The following EPHA5 variants were observed in gnomAD, a reference collection of about 807,000 sequenced individuals.
The protein encoded by EPHA5 is ephrin type-A receptor 5.
Under a neutral mutation model 105.0 loss-of-function variants are expected in EPHA5, and 60 were observed. That is an observed-to-expected ratio of 0.57 (90% CI 0.46 to 0.71). EPHA5 has a LOEUF of 0.71. Among genes scored for constraint, EPHA5 ranks in the 30% least tolerant of loss-of-function variants. The pLI is 0.00. For missense variants in EPHA5, 1,218 were observed against 1,274.7 expected (o/e 0.96, Z 0.68); for synonymous variants, 513 against 449.1 (o/e 1.14, Z -1.80).
At chr4:65,514,925 C>A (rs895766806) in intron 3 of EPHA5, among the ~76,000 whole-genome samples, 4 of 152,144 alleles carry the variant, frequency 2.6e-5, no homozygotes, top group African/African-American at 9.7e-5. Context: ...TTTCCTACCT[C>A]AGCCAATATT....
At chr4:65,478,989 T>A (rs963867137) in intron 5 of EPHA5, among the ~76,000 whole-genome samples, 4 of 152,174 alleles carry the variant, frequency 2.6e-5, no homozygotes, top group Non-Finnish European at 5.9e-5. Context: ...TTTTTTGCTT[T>A]TAAATATTTA....
intron 3 of EPHA5, among the ~76,000 whole-genome samples, chr4:65,574,711 T>TATATATACATATATATATAC (rs1369011617): frequency 6.9e-5 from 6 of 87,418 alleles, no homozygotes; most frequent in South Asian, 3.7e-4. Flanking sequence ...TATATATACA[T>TATATATACATATATATATAC]ATATATATAC....
chr4:65,482,295 A>G (rs1039459147), intron 5 of EPHA5, among the ~76,000 whole-genome samples: 6 of 151,854 alleles, frequency 4.0e-5, no homozygotes, highest in African/African-American at 1.5e-4. Flanking sequence ...CAAGATAAAA[A>G]AAAAAAAAAA....
At chr4:65,343,571 C>T (rs1373249113) in intron 14 of EPHA5, among the ~76,000 whole-genome samples, 3 of 152,070 alleles carry the variant, frequency 2.0e-5, no homozygotes, top group Non-Finnish European at 4.4e-5. Context: ...ACTTTGTTTT[C>T]TGAGAATTTT....
chr4:65,598,006 C>T (rs1355310475), intron 3 of EPHA5, among the ~76,000 whole-genome samples: 1 of 152,082 alleles, frequency 6.6e-6, no homozygotes, highest in Non-Finnish European at 1.5e-5. Context: ...CAGTCACCTG[C>T]CAGCACAGAC....
rs185116537 is a variant in EPHA5, at chr4:65,668,304, A to G, written c.181+1258T>C. Reference sequence around the variant, plus strand: ...TCACGAGGACACACACGACTCCACCACTGCTGCTTCATCTTTCCGGTCTAG... The same window carrying G: ...TCACGAGGACACACACGACTCCACCGCTGCTGCTTCATCTTTCCGGTCTAG... On this transcript the variant is annotated intron_variant, in intron 1 of 16. Coordinates refer to ENST00000613740, the MANE Select transcript of EPHA5 (RefSeq NM_001281766.3). Among the ~76,000 whole-genome samples the G allele has an allele frequency of 3.2e-3, 494 of 152,184 alleles. 2 individuals carry two copies. Among genetic ancestry groups the G allele is most frequent in the African/African-American group, 0.011 (470 of 41,520 alleles).
chr4:65,559,500 G>T (rs113435435), intron 3 of EPHA5, among the ~76,000 whole-genome samples: 10 of 152,098 alleles, frequency 6.6e-5, no homozygotes, highest in African/African-American at 2.4e-4. Flanking sequence ...AAAAATTCCC[G>T]AAATCCTTCT....
chr4:65,471,738 C>T (rs988912852), intron 5 of EPHA5, among the ~76,000 whole-genome samples: 1 of 152,134 alleles, frequency 6.6e-6, no homozygotes, highest in Non-Finnish European at 1.5e-5. Flanking sequence ...CTCACTATCA[C>T]AAGAAAGCAT....
chr4:65,397,131 C>T (rs551599056), intron 8 of EPHA5, among the ~76,000 whole-genome samples: 18 of 152,308 alleles, frequency 1.2e-4, no homozygotes, highest in Admixed American at 9.8e-4. Context: ...CCAGACTGTC[C>T]TTGGAGACAG....
chr4:65,552,879 A>C (rs1007663712), intron 3 of EPHA5, among the ~76,000 whole-genome samples: 1 of 152,136 alleles, frequency 6.6e-6, no homozygotes, highest in Non-Finnish European at 1.5e-5. Flanking sequence ...GTAAATAAGC[A>C]ATATGACATC....
intron 3 of EPHA5, among the ~76,000 whole-genome samples, chr4:65,551,909 T>C (rs1192443626): frequency 1.3e-5 from 2 of 152,198 alleles, no homozygotes; most frequent in African/African-American, 2.4e-5. Flanking sequence ...GTAAAATATT[T>C]ATCAAGTCTG....
At chr4:65,628,334 G>C (rs1370790949) in intron 2 of EPHA5, among the ~76,000 whole-genome samples, 1 of 151,968 alleles carries the variant, frequency 6.6e-6, no homozygotes, top group Admixed American at 6.6e-5. Context: ...GTAAGTGTCA[G>C]GAATGAACTT....
rs1307221749 is a variant in EPHA5 at position 65,533,284 on chromosome 4, T to G, written c.911-37741A>C. ...ACATATTGTTTTCCATTTGAAAAAT[T>G]TTTGCCATATCTTTACTTCTACATA... On this transcript the variant is annotated intron_variant, in intron 3 of 16. Transcript: ENST00000613740. Among the ~76,000 whole-genome samples the G allele has an allele frequency of 1.6e-4, 24 of 152,210 alleles. No homozygotes were observed. In the East Asian group the frequency reaches 4.2e-3, roughly 27 times the overall value.
intron 8 of EPHA5, among the ~76,000 whole-genome samples, chr4:65,392,758 G>C (rs533971176): frequency 6.6e-6 from 1 of 152,134 alleles, no homozygotes; most frequent in East Asian, 1.9e-4. Flanking sequence ...AGATATTAAA[G>C]TTTTTCATTT....
chr4:65,395,692 ATG>A (rs1721158931), intron 8 of EPHA5, among the ~76,000 whole-genome samples: 1 of 152,236 alleles, frequency 6.6e-6, no homozygotes, highest in African/African-American at 2.4e-5. Context: ...GAGCAGTTTT[ATG>A]TCCAGGTACA....
At chr4:65,450,907 A>T (rs1726999408) in intron 5 of EPHA5, among the ~76,000 whole-genome samples, 1 of 152,168 alleles carries the variant, frequency 6.6e-6, no homozygotes. Flanking sequence ...AAATGGAAAC[A>T]TGAGTAGTAC....
At chr4:65,668,709 T>C (rs1462326603) in intron 1 of EPHA5, among the ~76,000 whole-genome samples, 2 of 152,034 alleles carry the variant, frequency 1.3e-5, no homozygotes, top group Non-Finnish European at 2.9e-5. Flanking sequence ...GACAGTATTC[T>C]GGGTCTGGAG....
At chr4:65,402,444 G>C (rs1721935653) in intron 8 of EPHA5, among the ~76,000 whole-genome samples, 1 of 152,094 alleles carries the variant, frequency 6.6e-6, no homozygotes, top group African/African-American at 2.4e-5. Context: ...TGCCACATAA[G>C]GGTAAGTAAG....
At position 65,495,517 on chromosome 4, in the gene EPHA5, A is replaced by C. The variant is rs1731842067; in HGVS notation, c.937T>G (p.Ser313Ala). ...QVCRPGFFKASPHIQSCGKCP... is the reference protein window; with the variant it reads ...QVCRPGFFKAAPHIQSCGKCP... ...TTGCCGCAGCTCTGGATGTGAGGTG[A>C]GGCTTTGAAGAACCCAGGTCTGCAC... Residue 313 changes from serine (S) to alanine (A), a missense_variant, in exon 4 of 17, where the codon TCA becomes GCA. This residue lies in a region of EPHA5 where 971 missense variants were observed against 1,013.5 expected (regional missense o/e 0.96). Coordinates refer to ENST00000613740, the MANE Select transcript of EPHA5 (RefSeq NM_001281766.3). 6.2e-7 allele frequency: 1 copy of C among 1,613,632 alleles called. No individual in the cohort carries two copies.
Sources: gnomAD v4.1 joint callset for allele counts (sites outside exome capture counted in the v4.1 genomes callset) on GRCh38, gnomAD v4.1.1 for gene constraint, gnomAD v4.1.1 regional missense constraint, MANE v1.5 for transcripts, NCBI Gene and HGNC (gene_info 2026-07-23, HGNC 2026-07-21) for gene names.